RBFOX1: variants seen among roughly 807,000 people sequenced by gnomAD.
The protein encoded by RBFOX1 is RNA binding protein fox-1 homolog 1.
RBFOX1 carries 8 observed loss-of-function variants against 57.7 expected under a neutral mutation model. The observed-to-expected ratio is 0.14, with a 90% CI of 0.08 to 0.25. The LOEUF is 0.25. Ranked by LOEUF, RBFOX1 falls within the 10% of genes least tolerant of loss-of-function variation. The probability of loss-of-function intolerance (pLI) is 1.00; values close to 1 mark genes in which losing one functional copy is unlikely to be tolerated. For synonymous variants in RBFOX1, 326 were observed against 222.4 expected, an observed-to-expected ratio of 1.47 and a Z score of -4.15; for missense variants, 611 against 548.5, an observed-to-expected ratio of 1.11 and a Z score of -1.14.
chr16:7,109,825 C>A (rs2064321769), intron 4 of RBFOX1, among the ~76,000 whole-genome samples: 1 of 152,100 alleles, frequency 6.6e-6, no homozygotes, highest in Admixed American at 6.5e-5. Flanking sequence ...TTGGCACAGC[C>A]TTGCACTACG....
chr16:7,509,087 A>G lies in RBFOX1; in HGVS notation c.28-9060A>G, dbSNP rs548335945. Among the ~76,000 whole-genome samples, 4 of 152,366 alleles carry G rather than the reference A, an allele frequency of 2.6e-5. No homozygotes were observed. In the East Asian group the frequency reaches 7.7e-4, roughly 29 times the overall value. ...GCCTTTGGCATTGATGTGGGATTTC[A>G]CTGGGGAATTTTTTGTATGAGTTCT... On this transcript the variant is annotated intron_variant, in intron 4 of 15. Coordinates refer to ENST00000550418, the MANE Select transcript of RBFOX1 (RefSeq NM_018723.4).
intron 11 of RBFOX1, among the ~76,000 whole-genome samples, chr16:7,649,580 G>A (rs1320418755): frequency 1.3e-5 from 2 of 152,076 alleles, no homozygotes; most frequent in African/African-American, 2.4e-5. Flanking sequence ...CAAATTCTGA[G>A]CAGGTCACTT....
chr16:6,247,747 C>T (rs1249911498), intron 1 of RBFOX1, among the ~76,000 whole-genome samples: 2 of 152,314 alleles, frequency 1.3e-5, no homozygotes, highest in African/African-American at 4.8e-5. Context: ...AGTCCTTCCC[C>T]ACCAGGCAAG....
intron 2 of RBFOX1, among the ~76,000 whole-genome samples, chr16:5,588,591 A>G (rs976241688): frequency 3.9e-5 from 6 of 152,040 alleles, no homozygotes; most frequent in African/African-American, 1.4e-4. Flanking sequence ...TCTATGACCG[A>G]GTTACGTATT....
intron 3 of RBFOX1, among the ~76,000 whole-genome samples, chr16:6,817,565 A>G (rs1035196576): frequency 1.4e-5 from 2 of 147,912 alleles, no homozygotes; most frequent in African/African-American, 2.5e-5. Context: ...ATTTAACTGG[A>G]TTTGGTGGCG....
intron 1 of RBFOX1, among the ~76,000 whole-genome samples, chr16:6,143,389 G>A (rs975088592): frequency 9.2e-5 from 14 of 152,202 alleles, no homozygotes; most frequent in African/African-American, 3.4e-4. Flanking sequence ...CAGATTGATG[G>A]TCTCAAGTAT....
At chr16:6,285,668 C>G (rs2076831577) in intron 1 of RBFOX1, among the ~76,000 whole-genome samples, 1 of 152,124 alleles carries the variant, frequency 6.6e-6, no homozygotes, top group Non-Finnish European at 1.5e-5. Context: ...CTGTTCCCTG[C>G]TTTTCCTGCC....
chr16:5,983,930 T>TCCTCCTCCCCCTCCTCCTCCC (rs1312068823), intron 4 of RBFOX1, among the ~76,000 whole-genome samples: 3 of 114,098 alleles, frequency 2.6e-5, no homozygotes, highest in Non-Finnish European at 5.4e-5. Context: ...CTCCTCCCCC[T>TCCTCCTCCCCCTCCTCCTCCC]CCTCCTCCTC....
intron 3 of RBFOX1, among the ~76,000 whole-genome samples, chr16:6,870,934 C>T (rs192019625): frequency 3.1e-4 from 47 of 152,278 alleles, no homozygotes; most frequent in Non-Finnish European, 5.9e-5. Flanking sequence ...TTTTCCATTT[C>T]TATCCGTAAG....
chr16:5,473,512 A>T (rs2069210166), intron 2 of RBFOX1, among the ~76,000 whole-genome samples: 1 of 151,814 alleles, frequency 6.6e-6, no homozygotes, highest in African/African-American at 2.4e-5. Flanking sequence ...CTTAGTAGAG[A>T]GTAGATAATG....
At chr16:7,346,670 C>T (rs1014097266) in intron 4 of RBFOX1, among the ~76,000 whole-genome samples, 1 of 151,956 alleles carries the variant, frequency 6.6e-6, no homozygotes, top group Admixed American at 6.6e-5. Context: ...TTCAGATCTG[C>T]CCTGTTATCA....
At chr16:6,444,982 G>A (rs943176754) in intron 2 of RBFOX1, among the ~76,000 whole-genome samples, 20 of 152,132 alleles carry the variant, frequency 1.3e-4, no homozygotes, top group African/African-American at 4.3e-4. Context: ...TGGAGGGGAG[G>A]GTGGCAGAAG....
chr16:6,899,199 A>G (rs928939361), intron 3 of RBFOX1, among the ~76,000 whole-genome samples: 1 of 147,818 alleles, frequency 6.8e-6, no homozygotes, highest in Non-Finnish European at 1.5e-5. Flanking sequence ...GTGAGTGCAT[A>G]TGTGTGTATA....
intron 4 of RBFOX1, among the ~76,000 whole-genome samples, chr16:7,373,897 A>C (rs1185545391): frequency 6.6e-6 from 1 of 152,196 alleles, no homozygotes; most frequent in Non-Finnish European, 1.5e-5. Flanking sequence ...CATTCCACTC[A>C]AATCTTAGCT....
At chr16:5,623,285 G>C (rs1279308903) in intron 3 of RBFOX1, among the ~76,000 whole-genome samples, 5 of 152,244 alleles carry the variant, frequency 3.3e-5, no homozygotes, top group African/African-American at 9.6e-5. Context: ...GGATTTCTTA[G>C]GGCAGGGGTC....
chr16:6,998,125 A>G (rs1262057694), intron 3 of RBFOX1, among the ~76,000 whole-genome samples: 2 of 152,144 alleles, frequency 1.3e-5, no homozygotes, highest in African/African-American at 4.8e-5. Flanking sequence ...TATGTAGTAT[A>G]TAATTATCTA....
At chr16:5,588,260 C>T (rs927465531) in intron 2 of RBFOX1, among the ~76,000 whole-genome samples, 6 of 151,996 alleles carry the variant, frequency 3.9e-5, no homozygotes, top group Admixed American at 6.6e-5. Context: ...GTGATGAAAA[C>T]GTTGTAAAAA....
chr16:7,112,651 C>T (rs968228897), intron 4 of RBFOX1, among the ~76,000 whole-genome samples: 5 of 98,818 alleles, frequency 5.1e-5, no homozygotes, highest in Non-Finnish European at 7.0e-5. Flanking sequence ...AATGCAGCCT[C>T]AATATGTAAA....
chr16:7,057,463 A>G (rs1040605238), intron 4 of RBFOX1, among the ~76,000 whole-genome samples: 26 of 152,152 alleles, frequency 1.7e-4, no homozygotes, highest in African/African-American at 5.6e-4. Flanking sequence ...ACCTTTATGC[A>G]CACATCACAC....
Sources: gnomAD v4.1 joint callset for allele counts (sites outside exome capture counted in the v4.1 genomes callset) on GRCh38, gnomAD v4.1.1 for gene constraint, MANE v1.5 for transcripts, NCBI Gene and HGNC (gene_info 2026-07-23, HGNC 2026-07-21) for gene names.